The following RAP1GAP2 variants were observed in gnomAD, a reference collection of about 807,000 sequenced individuals.
RAP1GAP2 encodes RAP1 GTPase activating protein 2.
RAP1GAP2 carries 27 observed loss-of-function variants against 95.0 expected under a neutral mutation model. The ratio of observed to expected loss-of-function variants is 0.28; its 90% CI spans 0.21 to 0.39. RAP1GAP2 has a LOEUF of 0.39. RAP1GAP2 is among the 10% of genes least tolerant of loss of function. The pLI is 1.00. For synonymous variants in RAP1GAP2, 373 were observed against 380.9 expected (o/e 0.98, Z 0.24); for missense variants, 771 against 970.0 (o/e 0.79, Z 2.72).
At chr17:2,776,990 G>C (rs1910093295), upstream of RAP1GAP2, 1 of 152,612 alleles carries the variant, frequency 6.6e-6, no homozygotes, top group African/African-American at 2.4e-5. Context: ...AGCCTGGATC[G>C]GGACGTGAGT....
At chr17:2,891,850 T>G in intron 2 of RAP1GAP2, among the ~76,000 whole-genome samples, 1 of 119,768 alleles carries the variant, frequency 8.3e-6, no homozygotes, top group Admixed American at 1.1e-4. Context: ...TGAGACAGAG[T>G]TTCACTCTCG....
chr17:2,943,974 C>T (rs1236022343), intron 3 of RAP1GAP2, among the ~76,000 whole-genome samples: 1 of 151,936 alleles, frequency 6.6e-6, no homozygotes, highest in African/African-American at 2.4e-5. Context: ...ATGGTGAAAC[C>T]AGTCTCTACT....
At chr17:2,910,204 G>A (rs1038387650) in intron 3 of RAP1GAP2, among the ~76,000 whole-genome samples, 2 of 152,198 alleles carry the variant, frequency 1.3e-5, no homozygotes, top group African/African-American at 4.8e-5. Flanking sequence ...CCAGGCCCTG[G>A]CTTAGGGTGG....
rs762036296 is a variant in RAP1GAP2, at chr17:3,026,985, G to A, written c.2022G>A (p.Val674=). 2.2e-5 allele frequency: 35 copies of A among 1,556,560 alleles called. No homozygotes were observed. Among genetic ancestry groups the A allele is most frequent in the African/African-American group, 6.8e-5 (5 of 73,380 alleles). The change falls in exon 22 of 25, where the codon GTG becomes GTA. Residue 674 remains valine (V), a synonymous_variant. Coordinates refer to ENST00000254695, the MANE Select transcript of RAP1GAP2 (RefSeq NM_015085.5). ...CGACCTCACCCTTCAAGCAGGAGGT[G>A]TTTGTCTACAGCCCGTCCCCGAGCA... ...PSTTSPFKQE[V]FVYSPSPSSE...
chr17:2,767,359 TAAAAAAAAAA>T (rs397857982), intron 1 of RAP1GAP2, among the ~76,000 whole-genome samples: 10 of 53,712 alleles, frequency 1.9e-4, no homozygotes, highest in African/African-American at 3.6e-4. Context: ...GAGACTCTGT[TAAAAAAAAAA>T]AAAAAAAAAA....
chr17:2,919,988 G>A (rs138014398), intron 3 of RAP1GAP2, among the ~76,000 whole-genome samples: 3,715 of 150,130 alleles, frequency 0.025, 159 homozygotes, highest in African/African-American at 0.086. Flanking sequence ...GGCGTGAGCC[G>A]CCGCATCTGG....
intron 2 of RAP1GAP2, among the ~76,000 whole-genome samples, chr17:2,893,708 T>C (rs9907201): frequency 0.9 from 137,178 of 152,256 alleles, 61,976 homozygotes; most frequent in African/African-American, 0.94. Flanking sequence ...ACCATGACGC[T>C]GCTCCCCCCA....
intron 1 of RAP1GAP2, chr17:2,770,262 G>A (rs1470569001): frequency 5.0e-6 from 2 of 398,148 alleles, no homozygotes; most frequent in African/African-American, 4.1e-5. Context: ...CGGCAAGCAG[G>A]GCTGACTCTC....
rs989583501 is a variant in RAP1GAP2 at position 2,857,176 on chromosome 17, A to G, written c.81-48108A>G. ...TCCTCCCAGAAGGCTTGATCCATCCATCGATCTTCCCAGCACCTGTAATTG... is the reference window on the plus strand; with the variant it reads ...TCCTCCCAGAAGGCTTGATCCATCCGTCGATCTTCCCAGCACCTGTAATTG... On this transcript the variant is annotated intron_variant, in intron 2 of 24. Coordinates refer to ENST00000254695, the MANE Select transcript of RAP1GAP2 (RefSeq NM_015085.5). This position sits in a 1 kb window ranked among gnomAD's most constrained non-coding sequence, Gnocchi z 4.0. Among the ~76,000 whole-genome samples the G allele has an allele frequency of 9.9e-5, 15 of 152,192 alleles. No homozygotes were observed. The highest frequency in any genetic ancestry group is 3.1e-4 in the African/African-American group (13 of 41,436).
chr17:2,998,107 C>G lies in RAP1GAP2; in HGVS notation c.1045-114C>G, dbSNP rs569914082. 9.3e-5 allele frequency: 112 copies of G among 1,204,084 alleles called. No homozygotes were observed. In the African/African-American group the frequency reaches 1.5e-3, roughly 16 times the overall value. 74.6% of individuals were successfully genotyped at this position (1,204,084 alleles called of 1,614,324 possible). The stretch of plus-strand genomic sequence containing the variant: ...TCCAAAACAACAACCACGAACTCTT[C>G]TCACTCAGAATTCAGTTTTCCTGTG... On this transcript the variant is annotated intron_variant, in intron 13 of 24. Transcript: ENST00000254695.
chr17:2,756,304 A>C (rs1044851003), intron 1 of RAP1GAP2, among the ~76,000 whole-genome samples: 2 of 152,154 alleles, frequency 1.3e-5, no homozygotes, highest in African/African-American at 4.8e-5. Context: ...GGCCTAGGAG[A>C]CCAGGGCAGG....
At chr17:2,795,904 C>A (rs1356437747), upstream of RAP1GAP2, among the ~76,000 whole-genome samples, 1 of 152,088 alleles carries the variant, frequency 6.6e-6, no homozygotes, top group Non-Finnish European at 1.5e-5. Context: ...ACCTGGGTAT[C>A]CTGGGCGTGT....
chr17:3,031,102 C>G, intron 23 of RAP1GAP2, 104 bp downstream of exon 23: 1 of 1,270,156 alleles, frequency 7.9e-7, no homozygotes, highest in South Asian at 1.3e-5. Context: ...AGGGGGCTCC[C>G]CGAAGGAGGC....
intron 17 of RAP1GAP2, among the ~76,000 whole-genome samples, chr17:3,009,555 A>T (rs1007917574): frequency 3.3e-5 from 5 of 152,172 alleles, no homozygotes; most frequent in Non-Finnish European, 5.9e-5. Context: ...CTTTGTTAAG[A>T]TTCCACCCGC....
At chr17:3,010,336 C>CAAAAAAA (rs1179623628) in intron 17 of RAP1GAP2, among the ~76,000 whole-genome samples, 50 of 70,238 alleles carry the variant, frequency 7.1e-4, no homozygotes, top group East Asian at 2.8e-3. Context: ...GAGACTGTCT[C>CAAAAAAA]AAAAAAAAAA....
At position 3,026,052 on chromosome 17, in the gene RAP1GAP2, C is replaced by T. The variant is rs755350248; in HGVS notation, c.1796C>T (p.Ser599Phe). 3.7e-6 allele frequency: 6 copies of T among 1,613,826 alleles called. No homozygotes were observed. The highest frequency in any genetic ancestry group is 1.1e-5 in the South Asian group (1 of 91,074). The change falls in exon 20 of 25, where the codon TCC (serine) becomes TTC (phenylalanine). Residue 599 changes from serine to phenylalanine, a missense_variant. Physicochemically the swap from Ser to Phe is radical, Grantham distance 155. Transcript: ENST00000254695. ...CCCAAGACCCCAGATGGTGGACACT[C>T]CTCTCAGGAGATAAAGTCTGAGACC... ...STPKTPDGGH[S>F]SQEIKSETSS... is the part of the protein sequence containing the mutation.
chr17:2,941,437 AAAC>A (rs1373023290), intron 3 of RAP1GAP2, among the ~76,000 whole-genome samples: 2 of 148,732 alleles, frequency 1.3e-5, no homozygotes, highest in African/African-American at 4.9e-5. Flanking sequence ...AATGAAATAA[AAAC>A]AACAAAAACA....
chr17:2,887,347 C>G lies in RAP1GAP2; in HGVS notation c.81-17937C>G, dbSNP rs527693431. Among the ~76,000 whole-genome samples the G allele has an allele frequency of 4.6e-5, 7 of 151,810 alleles. 1 individual carries two copies. In the South Asian group the frequency reaches 1.5e-3, roughly 32 times the overall value. On this transcript the variant is annotated intron_variant, in intron 2 of 24. Coordinates refer to ENST00000254695, the MANE Select transcript of RAP1GAP2 (RefSeq NM_015085.5). ...TGCTACTATTACAGGCATGAGCCAC[C>G]GTACCTGGCTGATGATGAAGAATAC... is the stretch of plus-strand genomic sequence containing the variant.
chr17:2,760,088 C>T (rs1207027825), intron 1 of RAP1GAP2, among the ~76,000 whole-genome samples: 1 of 151,612 alleles, frequency 6.6e-6, no homozygotes, highest in Non-Finnish European at 1.5e-5. Flanking sequence ...AAAATGGTCT[C>T]TTGGACCATC....
Sources: allele counts gnomAD v4.1 joint callset (sites outside exome capture counted in the v4.1 genomes callset), GRCh38; gene constraint gnomAD v4.1.1; non-coding constraint Gnocchi (gnomAD v3.1); transcripts MANE v1.5; gene names NCBI Gene and HGNC (gene_info 2026-07-23, HGNC 2026-07-21).